SMAD9: variants seen among roughly 807,000 people sequenced by gnomAD.
SMAD9 encodes the protein MAD homolog 9.
Under a neutral mutation model 46.1 loss-of-function variants are expected in SMAD9, and 36 were observed. The observed-to-expected ratio is 0.78, with a 90% CI of 0.60 to 1.03. The LOEUF is 1.03. SMAD9 is among the 50% of genes least tolerant of loss of function. The pLI, the probability that SMAD9 is intolerant of heterozygous loss-of-function variation, is 0.00. For missense variants in SMAD9, 572 were observed against 599.8 expected, an observed-to-expected ratio of 0.95 and a Z score of 0.48; for synonymous variants, 245 against 237.1, an observed-to-expected ratio of 1.03 and a Z score of -0.31.
intron 1 of SMAD9, among the ~76,000 whole-genome samples, chr13:36,901,077 TGATA>T (rs772087829): frequency 1.8e-4 from 28 of 152,204 alleles, no homozygotes; most frequent in African/African-American, 5.1e-4. Flanking sequence ...TATAAACAAT[TGATA>T]GATATAGTCC....
At chr13:36,883,676 G>C (rs1156681428) in intron 1 of SMAD9, among the ~76,000 whole-genome samples, 2 of 152,222 alleles carry the variant, frequency 1.3e-5, no homozygotes, top group Middle Eastern at 3.2e-3. Flanking sequence ...GCTTGAGCCT[G>C]TGAATCGGAA....
intron 5 of SMAD9, among the ~76,000 whole-genome samples, chr13:36,858,068 T>C (rs1165327965): frequency 1.3e-5 from 2 of 152,160 alleles, no homozygotes; most frequent in African/African-American, 4.8e-5. Context: ...AAAAATACTG[T>C]AGAGCGATAG....
chr13:36,919,670 C>G (rs2058726187), intron 1 of SMAD9, among the ~76,000 whole-genome samples: 2 of 151,730 alleles, frequency 1.3e-5, no homozygotes, highest in Middle Eastern at 6.9e-3. Flanking sequence ...GCCCACGCCC[C>G]GGGCCCCAGC....
intron 1 of SMAD9, among the ~76,000 whole-genome samples, chr13:36,902,600 C>T (rs1177748486): frequency 6.6e-6 from 1 of 151,900 alleles, no homozygotes; most frequent in Non-Finnish European, 1.5e-5. Flanking sequence ...ACTATAGGTG[C>T]CCGCCACCAC....
chr13:36,867,602 T>C (rs1172252432), intron 3 of SMAD9, among the ~76,000 whole-genome samples: 1 of 152,164 alleles, frequency 6.6e-6, no homozygotes, highest in African/African-American at 2.4e-5. Flanking sequence ...GGTCAATTCA[T>C]TTTCCCTCCG....
chr13:36,871,314 T>C (rs1041578229), intron 3 of SMAD9, among the ~76,000 whole-genome samples: 2 of 152,134 alleles, frequency 1.3e-5, no homozygotes, highest in Non-Finnish European at 2.9e-5. Flanking sequence ...GGTCAGGAGT[T>C]CGAGACCAGC....
intron 5 of SMAD9, among the ~76,000 whole-genome samples, chr13:36,863,020 C>T (rs1432602319): frequency 1.3e-5 from 2 of 152,188 alleles, no homozygotes; most frequent in Non-Finnish European, 2.9e-5. Flanking sequence ...TCAGTAAGTA[C>T]TCGTGAGATG....
intron 1 of SMAD9, among the ~76,000 whole-genome samples, chr13:36,894,287 C>A (rs2058511112): frequency 6.6e-6 from 1 of 152,056 alleles, no homozygotes; most frequent in African/African-American, 2.4e-5. Context: ...ATACTGTTCT[C>A]TTGGTAGTGA....
In SMAD9 at chr13:36,848,789, C is replaced by T. The variant is rs910526030; in HGVS notation, c.1291G>A (p.Val431Ile). ...TCAATCCAGCAGGGGGTGCTGGTGA[C>T]ATCCTGGCGATGATACTCAGCACCC... ...GWGAEYHRQD[V>I]TSTPCWIEIH... Residue 431 changes from valine (V) to isoleucine (I), a missense_variant, in exon 7 of 7, where the codon GTC (valine) becomes ATC (isoleucine). Coordinates refer to ENST00000379826, the MANE Select transcript of SMAD9 (RefSeq NM_001127217.3). The T allele has an allele frequency of 6.2e-7, 1 of 1,613,846 alleles. No homozygotes were observed. Among genetic ancestry groups the T allele is most frequent in the East Asian group, 2.2e-5 (1 of 44,876 alleles).
At chr13:36,881,440 T>C (rs1009616505) in intron 1 of SMAD9, among the ~76,000 whole-genome samples, 1 of 152,222 alleles carries the variant, frequency 6.6e-6, no homozygotes, top group African/African-American at 2.4e-5. Flanking sequence ...TCCAATTCTA[T>C]AAACTTCTTT....
rs368984110 is a variant in SMAD9, at chr13:36,879,715, G to A, written c.-26C>T. ...AAGAGGCCACAGCAGGCTCCGGCGCGCACGGGAACCGCACAGCCCTTCACG... is the reference window on the plus strand; with the variant it reads ...AAGAGGCCACAGCAGGCTCCGGCGCACACGGGAACCGCACAGCCCTTCACG... On this transcript the variant is annotated 5_prime_UTR_variant, in exon 2 of 7. Transcript: ENST00000379826. 8.7e-6 allele frequency: 14 copies of A among 1,612,602 alleles called. No individual in the cohort carries two copies. The highest frequency in any genetic ancestry group is 6.6e-5 in the South Asian group (6 of 91,036).
chr13:36,858,786 G>A (rs1360558980), intron 5 of SMAD9, among the ~76,000 whole-genome samples: 2 of 152,182 alleles, frequency 1.3e-5, no homozygotes, highest in Non-Finnish European at 2.9e-5. Flanking sequence ...TTAGTTATTA[G>A]CTATTAACAT....
In SMAD9 at chr13:36,917,988, A is replaced by T. The variant is rs577241638; in HGVS notation, c.-187+2128T>A. Among the ~76,000 whole-genome samples the T allele has an allele frequency of 9.7e-5, 12 of 124,224 alleles. No individual in the cohort carries two copies. The East Asian group carries it at 1.8e-3, about 19-fold the overall frequency. The allele number at this position is 124,224 out of a possible 152,430, so 81.5% of individuals were successfully genotyped here. On this transcript the variant is annotated intron_variant, in intron 1 of 6. Transcript: ENST00000379826. ...TTTCCCTCCAACTGACCACATGATT[A>T]GTAAAGATAGTGTACCACTTGTTTA...
chr13:36,919,975 C>T (rs1231712063), intron 1 of SMAD9, 141 bp downstream of exon 1: 3 of 151,492 alleles, frequency 2.0e-5, no homozygotes, highest in Admixed American at 1.3e-4. Flanking sequence ...CACGCACGCA[C>T]ACAAGCAGCG....
In SMAD9 at chr13:36,882,396, G is replaced by C. The variant is rs150053784; in HGVS notation, c.-186-2521C>G. Among the ~76,000 whole-genome samples, 147 of 152,304 alleles carry C rather than the reference G, an allele frequency of 9.7e-4. 2 individuals carry two copies. In the East Asian group the frequency reaches 0.02, roughly 21 times the overall value. ...AAACTGTCTGTCTGAGGTTTCCCTT[G>C]ATGAGTGACCTTCAGTGGCCACCAC... is the stretch of plus-strand genomic sequence containing the variant. On this transcript the variant is annotated intron_variant, in intron 1 of 6. Coordinates refer to ENST00000379826, the MANE Select transcript of SMAD9 (RefSeq NM_001127217.3).
intron 1 of SMAD9, among the ~76,000 whole-genome samples, chr13:36,908,389 G>C (rs1387814848): frequency 6.6e-6 from 1 of 152,188 alleles, no homozygotes; most frequent in Non-Finnish European, 1.5e-5. Flanking sequence ...CATTCTGAAA[G>C]AAGACAGAAA....
rs2058243244 is a variant in SMAD9 at position 36,867,187 on chromosome 13, G to T, written c.781+86C>A. The stretch of plus-strand genomic sequence containing the variant: ...AAAACAGCAGGCCAGTACATTTCTG[G>T]TTTTCTTTTTTGAGTTGCTTTGTTT... On this transcript the variant is annotated intron_variant, in intron 4 of 6. Transcript: ENST00000379826. 3 of 901,588 alleles carry T rather than the reference G, an allele frequency of 3.3e-6. No individual in the cohort carries two copies. In the Admixed American group the frequency reaches 6.0e-5, roughly 18 times the overall value. 55.8% of individuals were successfully genotyped at this position (901,588 alleles called of 1,614,324 possible).
chr13:36,874,034 G>A (rs1593581118), intron 2 of SMAD9, among the ~76,000 whole-genome samples: 1 of 152,144 alleles, frequency 6.6e-6, no homozygotes, highest in South Asian at 2.1e-4. Flanking sequence ...AGGCCCTCAC[G>A]TCCTACCGAC....
chr13:36,848,646 C>G lies in SMAD9; in HGVS notation c.*30G>C. The stretch of plus-strand genomic sequence containing the variant: ...AGCCACTCCCTGCAATAGCCTCTAT[C>G]CTATGGAAATGCAGCTTAAGACATG... On this transcript the variant is annotated 3_prime_UTR_variant, in exon 7 of 7. Transcript: ENST00000379826. 2 of 1,610,770 alleles carry G rather than the reference C, an allele frequency of 1.2e-6. No individual in the cohort carries two copies. Among genetic ancestry groups the G allele is most frequent in the Non-Finnish European group, 1.7e-6 (2 of 1,176,932 alleles).
Sources: allele counts gnomAD v4.1 joint callset (sites outside exome capture counted in the v4.1 genomes callset), GRCh38; gene constraint gnomAD v4.1.1; transcripts MANE v1.5; gene names NCBI Gene and HGNC (gene_info 2026-07-23, HGNC 2026-07-21).